Variants in HECW1 observed in about 807,000 individuals in gnomAD.
HECW1 encodes the protein E3 ubiquitin-protein ligase HECW1.
HECW1 carries 61 observed loss-of-function variants against 182.3 expected under a neutral mutation model. The observed-to-expected ratio is 0.33, with a 90% CI of 0.27 to 0.41. HECW1 has a LOEUF of 0.41. HECW1 is among the 10% of genes least tolerant of loss of function. HECW1 has a pLI of 1.00. For synonymous variants in HECW1, 859 were observed against 832.6 expected, an observed-to-expected ratio of 1.03 and a Z score of -0.55; for missense variants, 1,739 against 2,108.9, an observed-to-expected ratio of 0.82 and a Z score of 3.44.
intron 29 of HECW1, among the ~76,000 whole-genome samples, chr7:43,555,213 G>A: frequency 6.6e-6 from 1 of 152,154 alleles, no homozygotes; most frequent in Non-Finnish European, 1.5e-5. Flanking sequence ...ATATATTTGT[G>A]GTGTGTCGGA....
At chr7:43,239,290 C>G (rs1798659107) in intron 2 of HECW1, 2 of 152,198 alleles carry the variant, frequency 1.3e-5, no homozygotes, top group Admixed American at 1.3e-4. Flanking sequence ...TAAGAAGAAG[C>G]AAGTTTTAAA....
At position 43,132,222 on chromosome 7, in the gene HECW1, A is replaced by G. The variant is rs563338897; in HGVS notation, c.-32+17831A>G. ...TCTCTTGCCAATTTGAATTAAGTCT[A>G]TATATTATAGATGTTAACTATCATT... is the stretch of plus-strand genomic sequence containing the variant. On this transcript the variant is annotated intron_variant, in intron 2 of 29. Transcript: ENST00000395891. Among the ~76,000 whole-genome samples, 6 of 149,726 alleles carry G rather than the reference A, an allele frequency of 4.0e-5. No individual in the cohort carries two copies. In the South Asian group the frequency reaches 1.3e-3, roughly 32 times the overall value.
At chr7:43,378,885 CTG>C (rs1349265650) in intron 6 of HECW1, among the ~76,000 whole-genome samples, 1 of 152,068 alleles carries the variant, frequency 6.6e-6, no homozygotes, top group East Asian at 1.9e-4. Context: ...ACAGACAAGA[CTG>C]TCTCAAAAAA....
At chr7:43,354,608 A>G (rs1016048106) in intron 5 of HECW1, among the ~76,000 whole-genome samples, 83 of 152,318 alleles carry the variant, frequency 5.4e-4, no homozygotes, top group East Asian at 7.7e-4. Flanking sequence ...GAAAATACGC[A>G]GAGGAGAAAA....
chr7:43,117,438 C>T (rs1265867507), intron 2 of HECW1, among the ~76,000 whole-genome samples: 1 of 151,706 alleles, frequency 6.6e-6, no homozygotes, highest in African/African-American at 2.4e-5. Flanking sequence ...ACCCGCCCCA[C>T]CAAAGGCAGG....
Position 43,242,971 on chromosome 7 carries a change from A to G in HECW1, c.-31-904A>G, listed in dbSNP as rs954331353. On this transcript the variant is annotated intron_variant, in intron 2 of 29. Transcript: ENST00000395891. ...ATCTGCTTGGACCAGGGTTGAGAAC[A>G]TAATCTCTGCACCCAGAATGCAAGC... Among the ~76,000 whole-genome samples, 5 of 152,178 alleles carry G rather than the reference A, an allele frequency of 3.3e-5. No homozygotes were observed. In the South Asian group the frequency reaches 1.0e-3, roughly 32 times the overall value.
intron 5 of HECW1, among the ~76,000 whole-genome samples, chr7:43,357,468 A>G (rs901837136): frequency 2.6e-5 from 4 of 152,222 alleles, no homozygotes; most frequent in Non-Finnish European, 5.9e-5. Flanking sequence ...AAGCACAGAA[A>G]GATAAATATT....
chr7:43,145,470 A>AT (rs1324399238), intron 2 of HECW1, among the ~76,000 whole-genome samples: 1 of 151,880 alleles, frequency 6.6e-6, no homozygotes, highest in Non-Finnish European at 1.5e-5. Flanking sequence ...TAATTTTTGT[A>AT]TTTTTTTGTA....
At chr7:43,495,790 C>T (rs1281396629) in intron 19 of HECW1, among the ~76,000 whole-genome samples, 1 of 152,186 alleles carries the variant, frequency 6.6e-6, no homozygotes, top group African/African-American at 2.4e-5. Flanking sequence ...CTCTTTGACT[C>T]ACCTAACAAC....
At chr7:43,516,584 C>G (rs2080161542) in intron 24 of HECW1, among the ~76,000 whole-genome samples, 1 of 152,186 alleles carries the variant, frequency 6.6e-6, no homozygotes. Context: ...ATCTGAGATG[C>G]CCTAAAAGTC....
chr7:43,530,542 CAG>C (rs984501535), intron 24 of HECW1, among the ~76,000 whole-genome samples: 1 of 138,870 alleles, frequency 7.2e-6, no homozygotes, highest in Non-Finnish European at 1.7e-5. Context: ...GATGGAAAGA[CAG>C]ATATAATTTT....
intron 3 of HECW1, among the ~76,000 whole-genome samples, chr7:43,274,893 A>G (rs78895124): frequency 0.014 from 2,195 of 152,296 alleles, 49 homozygotes; most frequent in African/African-American, 0.05. Context: ...AAGTACTGTC[A>G]TTTTGCCTAT....
At chr7:43,479,813 C>T in intron 17 of HECW1, 69 bp downstream of exon 17, 3 of 1,562,776 alleles carry the variant, frequency 1.9e-6, no homozygotes, top group South Asian at 1.1e-5. Flanking sequence ...GGGAGCAGAA[C>T]AGTTCTTCAG....
chr7:43,473,772 T>C (rs1460779785), intron 16 of HECW1, among the ~76,000 whole-genome samples: 1 of 152,182 alleles, frequency 6.6e-6, no homozygotes, highest in Non-Finnish European at 1.5e-5. Context: ...GGCAACTGTT[T>C]GTACCATTTA....
At chr7:43,196,084 G>A (rs1253910797) in intron 2 of HECW1, among the ~76,000 whole-genome samples, 3 of 152,118 alleles carry the variant, frequency 2.0e-5, no homozygotes, top group Admixed American at 1.3e-4. Flanking sequence ...GCTATTTCAG[G>A]TGTCTTTTTG....
At chr7:43,549,055 C>T (rs959309207) in intron 26 of HECW1, among the ~76,000 whole-genome samples, 4 of 152,218 alleles carry the variant, frequency 2.6e-5, no homozygotes, top group African/African-American at 9.6e-5. Flanking sequence ...AGCCCAGATG[C>T]GTACAGCATC....
At chr7:43,196,467 T>G (rs1270854641) in intron 2 of HECW1, among the ~76,000 whole-genome samples, 2 of 152,248 alleles carry the variant, frequency 1.3e-5, no homozygotes, top group African/African-American at 4.8e-5. Flanking sequence ...TGAACCATGC[T>G]TTGATGACAA....
intron 4 of HECW1, among the ~76,000 whole-genome samples, chr7:43,317,477 C>G (rs1234576249): frequency 3.9e-5 from 6 of 152,244 alleles, no homozygotes; most frequent in Admixed American, 3.3e-4. Context: ...CTAGAGTCCA[C>G]TTCTCCAGCC....
intron 2 of HECW1, among the ~76,000 whole-genome samples, chr7:43,130,920 T>C (rs1162951768): frequency 6.6e-6 from 1 of 152,194 alleles, no homozygotes; most frequent in East Asian, 1.9e-4. Flanking sequence ...TATGTATGTA[T>C]CTATTATGCA....
Sources: gnomAD v4.1 joint callset for allele counts (sites outside exome capture counted in the v4.1 genomes callset) on GRCh38, gnomAD v4.1.1 for gene constraint, MANE v1.5 for transcripts, NCBI Gene and HGNC (gene_info 2026-07-23, HGNC 2026-07-21) for gene names.